The following MADD variants were observed in gnomAD, a reference collection of about 807,000 sequenced individuals.
MADD encodes MAP kinase-activating death domain protein.
A neutral mutation model predicts 176.7 loss-of-function variants in MADD; 109 were observed. That is an observed-to-expected ratio of 0.62 (90% CI 0.53 to 0.72). The LOEUF is 0.72. Ranked by LOEUF, MADD falls within the 30% of genes least tolerant of loss-of-function variation. The probability of loss-of-function intolerance (pLI) is 0.00; values close to 1 mark genes in which losing one functional copy is unlikely to be tolerated. For synonymous variants in MADD, 771 were observed against 771.3 expected (o/e 1.00, Z 0.01); for missense variants, 1,914 against 2,045.5 (o/e 0.94, Z 1.24).
intron 26 of MADD, among the ~76,000 whole-genome samples, chr11:47,312,361 G>A (rs1594700047): frequency 6.6e-6 from 1 of 152,190 alleles, no homozygotes; most frequent in East Asian, 1.9e-4. Flanking sequence ...CGATTCTCAT[G>A]CCTCAGCCTC....
rs1322272695 is a variant in MADD, at chr11:47,275,817, G to C, written c.660-82G>C. ...GCTCCGTTTCCCATTGTCATCATTA[G>C]AGCCTCTGTGGTGATACTGAGTTGC... is the stretch of plus-strand genomic sequence containing the variant. On this transcript the variant is annotated intron_variant, in intron 3 of 32. Coordinates refer to ENST00000402192, the Ensembl canonical transcript of MADD. 2.3e-6 allele frequency: 3 copies of C among 1,313,246 alleles called. No individual in the cohort carries two copies. The African/African-American group carries it at 4.4e-5, about 19-fold the overall frequency. 81.3% of individuals were successfully genotyped at this position (1,313,246 alleles called of 1,614,324 possible).
chr11:47,309,329 C>G lies in MADD; in HGVS notation c.3800C>G (p.Ala1267Gly), dbSNP rs1388903713. The change falls in exon 24 of 33, where the codon GCC becomes GGC. Residue 1267 changes from alanine (A) to glycine (G), a missense_variant. Coordinates refer to ENST00000402192, the Ensembl canonical transcript of MADD. Reference sequence around the variant, plus strand: ...GACCAAATGCAATTCTGGGAAGATGCCTTCTTAGATGCTGTGATGTTGGAG... The same window carrying G: ...GACCAAATGCAATTCTGGGAAGATGGCTTCTTAGATGCTGTGATGTTGGAG... 3.1e-6 allele frequency: 5 copies of G among 1,614,146 alleles called. No individual in the cohort carries two copies. Among genetic ancestry groups the G allele is most frequent in the South Asian group, 2.2e-5 (2 of 91,078 alleles).
At chr11:47,281,930 G>C (rs1592152115) in intron 8 of MADD, among the ~76,000 whole-genome samples, 177 bp downstream of exon 8, 1 of 135,846 alleles carries the variant, frequency 7.4e-6, no homozygotes, top group African/African-American at 2.8e-5. Flanking sequence ...CACCTCCCGG[G>C]TTCAAGTGAT....
exon 9 of MADD, chr11:47,282,556 G>A: frequency 6.2e-7 from 1 of 1,614,192 alleles, no homozygotes. Context: ...TCAGGCTGTG[G>A]AGTACTTTGG....
rs2059867798 is a variant in MADD, at chr11:47,285,354, G to A, written c.2412-97G>A. ...TGATCCAGGGGCTTAGGAATTACGGGAAGGGAGTGGCAACTGTAGTATAGC... is the reference window on the plus strand; with the variant it reads ...TGATCCAGGGGCTTAGGAATTACGGAAAGGGAGTGGCAACTGTAGTATAGC... On this transcript the variant is annotated intron_variant, in intron 13 of 32. Transcript: ENST00000402192. 3 of 1,567,312 alleles carry A rather than the reference G, an allele frequency of 1.9e-6. No individual in the cohort carries two copies. In the Admixed American group the frequency reaches 5.2e-5, roughly 27 times the overall value.
At chr11:47,275,037 G>A (rs2048401643) in exon 3 of MADD, 6 of 1,614,260 alleles carry the variant, frequency 3.7e-6, no homozygotes, top group Middle Eastern at 1.6e-4. Context: ...CCCTGTGCGT[G>A]CTCAGCCACT....
At chr11:47,293,900 C>G in exon 20 of MADD, 1 of 1,613,788 alleles carries the variant, frequency 6.2e-7, no homozygotes, top group Non-Finnish European at 8.5e-7. Flanking sequence ...AGTAATCAAA[C>G]CTGTCTTTGA....
chr11:47,310,190 C>CTT (rs144941495), intron 25 of MADD, among the ~76,000 whole-genome samples: 4 of 148,030 alleles, frequency 2.7e-5, no homozygotes, highest in East Asian at 4.0e-4. Flanking sequence ...TTTTCATTTT[C>CTT]TTTTTTTTTG....
chr11:47,314,477 T>C (rs184620194), intron 26 of MADD, among the ~76,000 whole-genome samples: 2 of 152,184 alleles, frequency 1.3e-5, no homozygotes, highest in East Asian at 3.9e-4. Context: ...TGTTGTGGTT[T>C]ATGCCTGTAA....
At position 47,275,164 on chromosome 11, in the gene MADD, A is replaced by G; in HGVS notation, c.659+5A>G. The G allele has an allele frequency of 5.6e-6, 9 of 1,605,922 alleles. No homozygotes were observed. The highest frequency in any genetic ancestry group is 6.8e-6 in the Non-Finnish European group (8 of 1,175,910). ...CATCCCTCGAGGCGTACAAAGGTAC[A>G]GTTTGCTGCTGATGCCTAATGGGGG... On this transcript the variant is annotated splice_donor_5th_base_variant and intron_variant, in intron 3 of 32. Coordinates refer to ENST00000402192, the Ensembl canonical transcript of MADD.
rs1460038337 is a variant in MADD, at chr11:47,281,771, G to A, written c.1469+18G>A. 6.5e-7 allele frequency: 1 copy of A among 1,534,008 alleles called. No homozygotes were observed. Among genetic ancestry groups the A allele is most frequent in the Non-Finnish European group, 8.9e-7 (1 of 1,128,926 alleles). ...GCAACCAGGTAAGACCAAGCCGACT[G>A]TATAATCACAAGTTCTTAAATTAAT... On this transcript the variant is annotated intron_variant, in intron 8 of 32. Coordinates refer to ENST00000402192, the Ensembl canonical transcript of MADD.
In MADD at chr11:47,289,500, A is replaced by G; in HGVS notation, c.2756+7A>G. The G allele has an allele frequency of 6.2e-7, 1 of 1,611,998 alleles. No individual in the cohort carries two copies. Among genetic ancestry groups the G allele is most frequent in the Non-Finnish European group, 8.5e-7 (1 of 1,178,042 alleles). On this transcript the variant is annotated splice_region_variant and intron_variant, in intron 16 of 32. Transcript: ENST00000402192. ...GTCGATCCAGCAATTCTAGGTAATAAATGGTAGAGCTGTTTTAAAAGTTCT... is the reference window on the plus strand; with the variant it reads ...GTCGATCCAGCAATTCTAGGTAATAGATGGTAGAGCTGTTTTAAAAGTTCT...
intron 15 of MADD, 91 bp downstream of exon 15, chr11:47,286,625 C>A: frequency 1.1e-6 from 1 of 925,356 alleles, no homozygotes; most frequent in Non-Finnish European, 1.7e-6. Context: ...TCTGCTGAAT[C>A]CTTTGACCTG....
chr11:47,276,688 T>C lies in MADD; in HGVS notation c.964-44T>C, dbSNP rs747980603. On this transcript the variant is annotated intron_variant, in intron 4 of 32. Transcript: ENST00000402192. The stretch of plus-strand genomic sequence containing the variant: ...TTGGAAGCTGTTTTCTTGTAAACCA[T>C]ATTTTATGTTTTGGAGTGATTCTTA... 21 of 1,602,202 alleles carry C rather than the reference T, an allele frequency of 1.3e-5. No individual in the cohort carries two copies. In the East Asian group the frequency reaches 4.5e-4, roughly 34 times the overall value.
intron 1 of MADD, chr11:47,270,734 A>T (rs1183338355): frequency 1.3e-5 from 2 of 152,168 alleles, no homozygotes; most frequent in East Asian, 3.9e-4. Flanking sequence ...ATCTTTCTGC[A>T]ATCGCTCTCC....
chr11:47,284,396 C>G, exon 12 of MADD: 1 of 1,614,120 alleles, frequency 6.2e-7, no homozygotes, highest in South Asian at 1.1e-5. Context: ...CTGACACATG[C>G]AGCACTGGGG....
At chr11:47,303,573 T>C (rs2079818095) in intron 22 of MADD, among the ~76,000 whole-genome samples, 1 of 149,752 alleles carries the variant, frequency 6.7e-6, no homozygotes, top group Admixed American at 6.6e-5. Flanking sequence ...TCTTTGACTT[T>C]TGACAATTTG....
intron 22 of MADD, among the ~76,000 whole-genome samples, chr11:47,299,880 A>C (rs1173856498): frequency 6.6e-6 from 1 of 151,972 alleles, no homozygotes; most frequent in Non-Finnish European, 1.5e-5. Context: ...GATGCCCTTT[A>C]TTTCTTTCTC....
At chr11:47,309,110 G>T (rs1207926020) in intron 23 of MADD, 68 bp downstream of exon 26, 2 of 1,573,312 alleles carry the variant, frequency 1.3e-6, no homozygotes, top group Non-Finnish European at 1.7e-6. Context: ...TTACTTGGAG[G>T]CATCTGGGGC....
Sources: gnomAD v4.1 joint callset for allele counts (sites outside exome capture counted in the v4.1 genomes callset) on GRCh38, gnomAD v4.1.1 for gene constraint, MANE v1.5 for transcripts, NCBI Gene and HGNC (gene_info 2026-07-23, HGNC 2026-07-21) for gene names.